CAPN8: variants seen among roughly 807,000 people sequenced by gnomAD.
The protein encoded by CAPN8 is calpain 8, also known as calpain-8.
CAPN8 carries 87 observed loss-of-function variants against 80.9 expected under a neutral mutation model. That is an observed-to-expected ratio of 1.07 (90% CI 0.90 to 1.28). CAPN8 has a LOEUF of 1.28. Ranked by LOEUF, CAPN8 falls within the 50% of genes most tolerant of loss-of-function variation. The pLI, the probability that CAPN8 is intolerant of heterozygous loss-of-function variation, is 0.00. For synonymous variants in CAPN8, 299 were observed against 273.8 expected, an observed-to-expected ratio of 1.09 and a Z score of -0.91; for missense variants, 757 against 702.0, an observed-to-expected ratio of 1.08 and a Z score of -0.89.
chr1:223,614,581 T>G (rs996565362), intron 10 of CAPN8, among the ~76,000 whole-genome samples: 1 of 152,084 alleles, frequency 6.6e-6, no homozygotes, highest in East Asian at 1.9e-4. Flanking sequence ...CATCAAAATC[T>G]CCTCCTCGAT....
chr1:223,654,702 G>A (rs6687907), intron 1 of CAPN8, among the ~76,000 whole-genome samples: 16,058 of 151,966 alleles, frequency 0.11, 1,893 homozygotes, highest in African/African-American at 0.28. Flanking sequence ...TTGAGACAGC[G>A]TCTCGCTTTG....
chr1:223,642,175 C>T (rs61825226), intron 2 of CAPN8, among the ~76,000 whole-genome samples: 346 of 152,304 alleles, frequency 2.3e-3, no homozygotes, highest in Non-Finnish European at 4.2e-3. Flanking sequence ...TCTCAGCAGA[C>T]GGTGGGGTAT....
chr1:223,619,560 G>A (rs34900680), intron 8 of CAPN8, 107 bp from the exon 9 acceptor site: 226,785 of 1,190,870 alleles, frequency 0.19, 22,909 homozygotes, highest in Middle Eastern at 0.21. Context: ...CCTAGAGGCC[G>A]TGGGCTAGCT....
rs1461012210 is a variant in CAPN8 at position 223,625,876 on chromosome 1, C to T, written c.742G>A (p.Ala248Thr). 1 of 1,551,514 alleles carries T rather than the reference C, an allele frequency of 6.4e-7. No individual in the cohort carries two copies. Among genetic ancestry groups the T allele is most frequent in the Admixed American group, 2.0e-5 (1 of 51,000 alleles). The change falls in exon 6 of 21, where the codon GCC (alanine) becomes ACC (threonine). Residue 248 changes from alanine to threonine, a missense_variant. Ala to Thr is a moderately conservative substitution (Grantham distance 58, BLOSUM62 0). Transcript: ENST00000366872. ...LGCSIDVSSA[A>T]EAEAITSQKL... The stretch of plus-strand genomic sequence containing the variant: ...TGGCTGGTGATGGCTTCGGCTTCGG[C>T]TGCACTGGAGACCTGCGTAGAGAAG...
chr1:223,547,702 C>T (rs1449125305), intron 16 of CAPN8, among the ~76,000 whole-genome samples: 2 of 152,048 alleles, frequency 1.3e-5, no homozygotes, highest in Non-Finnish European at 2.9e-5. Flanking sequence ...ACTACCTAAA[C>T]TGTGGAACAG....
intron 14 of CAPN8, 60 bp downstream of exon 14, chr1:223,553,772 C>T (rs892681708): frequency 0.67 from 267,391 of 398,064 alleles, 91,294 homozygotes; most frequent in Non-Finnish European, 0.72. Context: ...AATGAAGTGA[C>T]CTGAGCATTC....
intron 6 of CAPN8, among the ~76,000 whole-genome samples, chr1:223,623,919 G>A (rs1657478949): frequency 1.3e-5 from 2 of 150,014 alleles, no homozygotes. Context: ...AAAATCACTT[G>A]AACCAGGGAG....
intron 6 of CAPN8, among the ~76,000 whole-genome samples, chr1:223,625,481 C>A (rs944077221): frequency 2.8e-4 from 42 of 152,168 alleles, no homozygotes; most frequent in East Asian, 1.7e-3. Flanking sequence ...TTTTTCGTAG[C>A]GATGAGGTCT....
chr1:223,543,136 T>A lies in CAPN8; in HGVS notation c.2060A>T (p.Asp687Val), dbSNP rs892488704. The A allele has an allele frequency of 6.4e-7, 1 of 1,551,562 alleles. No individual in the cohort carries two copies. Among genetic ancestry groups the A allele is most frequent in the Non-Finnish European group, 8.7e-7 (1 of 1,146,996 alleles). ...KLFSLLDEDK[D>V]GMVQLSLAEW... ...GGCCAGAGAGAGCTGAACCATGCCA[T>A]CCTTGTCTTCGTCCAGAAGGCTGAA... The change falls in exon 20 of 21, where the codon GAT (aspartate) becomes GTT (valine). Residue 687 changes from aspartate (D) to valine (V), a missense_variant. Asp to Val is a radical substitution (Grantham distance 152). Transcript: ENST00000366872.
chr1:223,661,090 T>C (rs892122247), intron 1 of CAPN8, among the ~76,000 whole-genome samples: 1 of 150,974 alleles, frequency 6.6e-6, no homozygotes, highest in Non-Finnish European at 1.5e-5. Flanking sequence ...CACTTGATTC[T>C]AGGAGGCAGA....
At chr1:223,652,355 T>C (rs1390953828) in intron 2 of CAPN8, among the ~76,000 whole-genome samples, 5 of 151,934 alleles carry the variant, frequency 3.3e-5, no homozygotes, top group Non-Finnish European at 7.4e-5. Context: ...TATATATATA[T>C]ATAAACATCT....
chr1:223,544,003 C>G, intron 19 of CAPN8, 64 bp downstream of exon 19: 1 of 707,252 alleles, frequency 1.4e-6, no homozygotes, highest in Non-Finnish European at 2.6e-6. Flanking sequence ...CCCCTTGGCC[C>G]TGCCCCTGCC....
intron 11 of CAPN8, 128 bp from the exon 12 acceptor site, chr1:223,609,492 G>A (rs937020031): frequency 0.28 from 111,208 of 396,742 alleles, 17,137 homozygotes; most frequent in Non-Finnish European, 0.31. Context: ...TCAGGAGGCC[G>A]TGGATTCTGT....
At chr1:223,619,771 C>T (rs933658728) in intron 8 of CAPN8, among the ~76,000 whole-genome samples, 4 of 152,204 alleles carry the variant, frequency 2.6e-5, no homozygotes, top group Non-Finnish European at 5.9e-5. Context: ...TAAGTCTAAG[C>T]TCACAAGAGG....
chr1:223,543,419 T>C (rs1277609055), intron 19 of CAPN8, among the ~76,000 whole-genome samples: 3 of 148,410 alleles, frequency 2.0e-5, no homozygotes, highest in African/African-American at 7.3e-5. Context: ...ATGGTCCCTT[T>C]GGTATCTCCA....
At chr1:223,610,763 C>T (rs1447977501) in intron 11 of CAPN8, among the ~76,000 whole-genome samples, 5 of 152,104 alleles carry the variant, frequency 3.3e-5, no homozygotes, top group African/African-American at 1.2e-4. Context: ...AGGTCCCTGG[C>T]CCCCACATCT....
chr1:223,639,632 G>A (rs1265021523), intron 2 of CAPN8, among the ~76,000 whole-genome samples: 2 of 152,244 alleles, frequency 1.3e-5, no homozygotes, highest in African/African-American at 4.8e-5. Context: ...GCCTCTAAAA[G>A]CCCACGCTGC....
intron 2 of CAPN8, among the ~76,000 whole-genome samples, chr1:223,646,537 A>G (rs1658196894): frequency 6.6e-6 from 1 of 152,206 alleles, no homozygotes; most frequent in Non-Finnish European, 1.5e-5. Flanking sequence ...TCCCCAAGAG[A>G]GCATGCATAG....
chr1:223,619,226 C>T (rs1657300641), intron 9 of CAPN8, 67 bp downstream of exon 9: 2 of 1,520,166 alleles, frequency 1.3e-6, no homozygotes, highest in Admixed American at 2.2e-5. Flanking sequence ...CAAAAAATTA[C>T]ATAAAATGAC....
Sources: allele counts gnomAD v4.1 joint callset (sites outside exome capture counted in the v4.1 genomes callset), GRCh38; gene constraint gnomAD v4.1.1; transcripts MANE v1.5; gene names NCBI Gene and HGNC (gene_info 2026-07-23, HGNC 2026-07-21).